CDV3: variants seen among roughly 807,000 people sequenced by gnomAD.
The protein encoded by CDV3 is CDV3 homolog.
A neutral mutation model predicts 24.5 loss-of-function variants in CDV3; 14 were observed. That is an observed-to-expected ratio of 0.57 (90% CI 0.38 to 0.89). CDV3 has a LOEUF of 0.89. Among genes scored for constraint, CDV3 ranks in the 40% least tolerant of loss-of-function variants. CDV3 has a pLI of 0.00. For synonymous variants in CDV3, 114 were observed against 114.1 expected, an observed-to-expected ratio of 1.00 and a Z score of 0.00; for missense variants, 304 against 310.2, an observed-to-expected ratio of 0.98 and a Z score of 0.15.
At position 133,587,833 on chromosome 3, in the gene CDV3, C is replaced by T. The variant is rs182764695; in HGVS notation, c.627-63C>T. 2.6e-5 allele frequency: 40 copies of T among 1,523,924 alleles called. 1 individual carries two copies. The Admixed American group carries it at 4.2e-4, about 16-fold the overall frequency. 94.4% of individuals were successfully genotyped at this position (1,523,924 alleles called of 1,614,324 possible). A position where few individuals can be genotyped will look rare whatever the true frequency, so the allele number is the denominator to read the frequency against. The stretch of plus-strand genomic sequence containing the variant: ...GGTGGCTTTTTTTTAAATTCAAGGA[C>T]GAATATTTTCAAAAACCCTAGTGAA... On this transcript the variant is annotated intron_variant, in intron 4 of 4. Transcript: ENST00000264993.
At chr3:133,574,431 C>T (rs1420413379) in intron 1 of CDV3, 147 bp downstream of exon 1, 22 of 984,666 alleles carry the variant, frequency 2.2e-5, no homozygotes, top group Non-Finnish European at 2.7e-5. Flanking sequence ...GGCTCTCCAC[C>T]TCGGGCTGGG....
chr3:133,582,728 G>A (rs144940886), intron 2 of CDV3, among the ~76,000 whole-genome samples: 205 of 152,260 alleles, frequency 1.3e-3, no homozygotes, highest in African/African-American at 4.4e-3. Context: ...TGGGGAAAAG[G>A]TAGAATGGTG....
chr3:133,574,465 C>A (rs552374881), intron 1 of CDV3, 181 bp downstream of exon 1: 4 of 986,382 alleles, frequency 4.1e-6, no homozygotes, highest in Non-Finnish European at 4.8e-6. Context: ...GGACCCCTTC[C>A]GATATCCGCG....
chr3:133,583,908 C>G (rs923682790), intron 2 of CDV3, 94 bp from the exon 3 acceptor site: 6 of 852,910 alleles, frequency 7.0e-6, no homozygotes, highest in Non-Finnish European at 1.1e-5. Flanking sequence ...TTGACTTCTT[C>G]AGGGTCGTAC....
intron 2 of CDV3, among the ~76,000 whole-genome samples, chr3:133,583,131 C>T (rs1048697088): frequency 6.6e-6 from 1 of 152,136 alleles, no homozygotes; most frequent in Non-Finnish European, 1.5e-5. Flanking sequence ...CCATTTATAA[C>T]ATCTGGAAAG....
intron 3 of CDV3, among the ~76,000 whole-genome samples, chr3:133,584,842 G>T (rs1054707723): frequency 6.6e-6 from 1 of 152,166 alleles, no homozygotes; most frequent in Admixed American, 6.5e-5. Flanking sequence ...TGCATAAACA[G>T]ATGTATAGTA....
At chr3:133,587,755 T>TA in intron 4 of CDV3, 141 bp from the exon 5 acceptor site, 1 of 1,428,452 alleles carries the variant, frequency 7.0e-7, no homozygotes, top group Non-Finnish European at 9.2e-7. Flanking sequence ...AATGGTTTGA[T>TA]AAGGATTTTC....
In CDV3 at chr3:133,574,425, C is replaced by T. The variant is rs1323633204; in HGVS notation, c.240+141C>T. ...CGCGGGCCGCCACGTGACGCAGGCT[C>T]TCCACCTCGGGCTGGGCTCGCCAGG... is the stretch of plus-strand genomic sequence containing the variant. On this transcript the variant is annotated intron_variant, in intron 1 of 4. Coordinates refer to ENST00000264993, the MANE Select transcript of CDV3 (RefSeq NM_017548.5). 4.1e-5 allele frequency: 40 copies of T among 982,684 alleles called. 1 individual carries two copies. In the Admixed American group the frequency reaches 2.4e-3, roughly 59 times the overall value. 60.9% of individuals were successfully genotyped at this position (982,684 alleles called of 1,614,324 possible). A position where few individuals can be genotyped will look rare whatever the true frequency, so the allele number is the denominator to read the frequency against.
At chr3:133,574,411 A>G in intron 1 of CDV3, 127 bp downstream of exon 1, 1 of 973,016 alleles carries the variant, frequency 1.0e-6, no homozygotes, top group African/African-American at 1.8e-5. Context: ...GCGGGCCGCC[A>G]CGTGACGCAG....
chr3:133,582,037 T>G (rs952026733), intron 2 of CDV3, among the ~76,000 whole-genome samples: 1 of 152,232 alleles, frequency 6.6e-6, no homozygotes, highest in Non-Finnish European at 1.5e-5. Flanking sequence ...AGTAAAATCT[T>G]GCTGTAAATG....
In CDV3 at chr3:133,574,202, G is replaced by A; in HGVS notation, c.158G>A (p.Gly53Asp). Residue 53 changes from glycine (G) to aspartate (D), a missense_variant, in exon 1 of 5, where the codon GGC becomes GAC. By Grantham distance (94) the Gly-to-Asp change is moderately conservative. Transcript: ENST00000264993. ...GAAGAAGGGA[G>D]AGTRPGDGGT... ...GCGGGTGCGGCGGGCGGCGGGGCGG[G>A]CGCGGGGACCCGGCCGGGTGACGGC... 1 of 1,016,004 alleles carries A rather than the reference G, an allele frequency of 9.8e-7. No individual in the cohort carries two copies. Among genetic ancestry groups the A allele is most frequent in the Non-Finnish European group, 1.2e-6 (1 of 854,448 alleles). The allele number at this position is 1,016,004 out of a possible 1,614,324, so 62.9% of individuals were successfully genotyped here. A position where few individuals can be genotyped will look rare whatever the true frequency, so the allele number is the denominator to read the frequency against.
chr3:133,579,963 T>C (rs1338055742), intron 2 of CDV3, among the ~76,000 whole-genome samples: 1 of 152,180 alleles, frequency 6.6e-6, no homozygotes, highest in Non-Finnish European at 1.5e-5. Context: ...TAACCCAAAA[T>C]ACTTATTTAT....
chr3:133,576,864 T>TTTTTTTTTTTTTTTTTTTTA (rs869170539), intron 2 of CDV3, among the ~76,000 whole-genome samples: 1 of 139,862 alleles, frequency 7.1e-6, no homozygotes, highest in African/African-American at 2.7e-5. Context: ...TTTTTTTTTT[T>TTTTTTTTTTTTTTTTTTTTA]GAGACGAAGT....
At position 133,574,499 on chromosome 3, in the gene CDV3, C is replaced by T. The variant is rs904966397; in HGVS notation, c.240+215C>T. On this transcript the variant is annotated intron_variant, in intron 1 of 4. Transcript: ENST00000264993. ...CGGTGGAGCCGCCCTTCCCACCCCGCGTCGCTCGGCGTTAGCCAAGGCCCG... is the reference window on the plus strand; with the variant it reads ...CGGTGGAGCCGCCCTTCCCACCCCGTGTCGCTCGGCGTTAGCCAAGGCCCG... 9 of 986,254 alleles carry T rather than the reference C, an allele frequency of 9.1e-6. No individual in the cohort carries two copies. The East Asian group carries it at 7.9e-4, about 87-fold the overall frequency. The allele number at this position is 986,254 out of a possible 1,614,324, so 61.1% of individuals were successfully genotyped here.
rs955708413 is a variant in CDV3, at chr3:133,590,113, A to G, written c.*2067A>G. On this transcript the variant is annotated 3_prime_UTR_variant, in exon 5 of 5. Coordinates refer to ENST00000264993, the MANE Select transcript of CDV3 (RefSeq NM_017548.5). ...TAACTTTTTAAAAGATTGTGAAAAT[A>G]TCAAAATATAAATGAATCAAGTTTT... 6.6e-6 allele frequency: 1 copy of G among 152,242 alleles called. No homozygotes were observed. The highest frequency in any genetic ancestry group is 2.4e-5 in the African/African-American group (1 of 41,464). 9.4% of individuals were successfully genotyped at this position (152,242 alleles called of 1,614,324 possible). A position where few individuals can be genotyped will look rare whatever the true frequency, so the allele number is the denominator to read the frequency against.
At chr3:133,577,486 G>A (rs931508547) in intron 2 of CDV3, among the ~76,000 whole-genome samples, 3 of 151,714 alleles carry the variant, frequency 2.0e-5, no homozygotes, top group African/African-American at 4.8e-5. Context: ...TCAGCCTTCC[G>A]AGTAGCTGGG....
chr3:133,578,322 C>A (rs188185643), intron 2 of CDV3, among the ~76,000 whole-genome samples: 2 of 152,196 alleles, frequency 1.3e-5, no homozygotes, highest in Non-Finnish European at 2.9e-5. Context: ...AGATTTAATT[C>A]TTGAAGGTAT....
In CDV3 at chr3:133,587,949, G is replaced by A. The variant is rs766787142; in HGVS notation, c.680G>A (p.Arg227Lys). 6.2e-7 allele frequency: 1 copy of A among 1,613,780 alleles called. No individual in the cohort carries two copies. The highest frequency in any genetic ancestry group is 1.1e-5 in the South Asian group (1 of 91,084). ...FEVVRHKNRG[R>K]DEVSKNQALK... ...GTAGTAAGACACAAAAATAGAGGTA[G>A]GGATGAGGTTTCAAAAAACCAGGCC... The change falls in exon 5 of 5, where the codon AGG (arginine) becomes AAG (lysine). Residue 227 changes from arginine to lysine, a missense_variant. Physicochemically the swap from Arg to Lys is conservative, Grantham distance 26 (BLOSUM62 2). Around this residue, in one of 3 missense-constraint regions of CDV3, gnomAD observed 56 missense variants for 50.9 expected, o/e 1.10. Coordinates refer to ENST00000264993, the MANE Select transcript of CDV3 (RefSeq NM_017548.5).
rs1215699215 is a variant in CDV3 at position 133,573,991 on chromosome 3, C to T, written c.-54C>T. Reference sequence around the variant, plus strand: ...GGCCTCGACCCCGAGCTCGGAGCCCCGCGGGCCGCGCCCGCCGCCGGCCCC... The same window carrying T: ...GGCCTCGACCCCGAGCTCGGAGCCCTGCGGGCCGCGCCCGCCGCCGGCCCC... On this transcript the variant is annotated 5_prime_UTR_variant, in exon 1 of 5. Transcript: ENST00000264993. 3.0e-6 allele frequency: 3 copies of T among 1,016,390 alleles called. No individual in the cohort carries two copies. Among genetic ancestry groups the T allele is most frequent in the African/African-American group, 3.5e-5 (2 of 57,446 alleles). The allele number at this position is 1,016,390 out of a possible 1,614,324, so 63.0% of individuals were successfully genotyped here. A position where few individuals can be genotyped will look rare whatever the true frequency, so the allele number is the denominator to read the frequency against.
Sources: gnomAD v4.1 joint callset for allele counts (sites outside exome capture counted in the v4.1 genomes callset) on GRCh38, gnomAD v4.1.1 for gene constraint, gnomAD v4.1.1 regional missense constraint, MANE v1.5 for transcripts, NCBI Gene and HGNC (gene_info 2026-07-23, HGNC 2026-07-21) for gene names.